MYT1L: variants seen among roughly 807,000 people sequenced by gnomAD.
The protein encoded by MYT1L is myelin transcription factor 1 like, also known as myelin transcription factor 1-like protein.
Under a neutral mutation model 126.7 loss-of-function variants are expected in MYT1L, and 12 were observed. That is an observed-to-expected ratio of 0.09 (90% confidence interval 0.06 to 0.15). MYT1L has a LOEUF of 0.15. Among genes scored for constraint, MYT1L ranks in the 10% least tolerant of loss-of-function variants. MYT1L has a pLI of 1.00. For missense variants in MYT1L, 979 were observed against 1,585.2 expected, an observed-to-expected ratio of 0.62 and a Z score of 6.49; for synonymous variants, 541 against 604.2, an observed-to-expected ratio of 0.90 and a Z score of 1.53.
intron 3 of MYT1L, among the ~76,000 whole-genome samples, chr2:2,130,081 T>C (rs551327519): frequency 6.6e-6 from 1 of 152,076 alleles, no homozygotes; most frequent in East Asian, 1.9e-4. Context: ...GAGAAAACAT[T>C]TGCATTATAG....
chr2:1,915,629 C>G (rs1217377932), intron 11 of MYT1L, among the ~76,000 whole-genome samples: 1 of 152,202 alleles, frequency 6.6e-6, no homozygotes, highest in Non-Finnish European at 1.5e-5. Context: ...AGATGAAGTA[C>G]AGAGAGCTGC....
intron 4 of MYT1L, among the ~76,000 whole-genome samples, chr2:2,019,565 G>C (rs2064816529): frequency 6.6e-6 from 1 of 152,214 alleles, no homozygotes; most frequent in African/African-American, 2.4e-5. Flanking sequence ...TATATTCTCA[G>C]TGTGGGGGGT....
At chr2:2,099,984 C>G (rs1373525143) in intron 3 of MYT1L, among the ~76,000 whole-genome samples, 1 of 152,146 alleles carries the variant, frequency 6.6e-6, no homozygotes, top group East Asian at 1.9e-4. Context: ...CGCCATAGGC[C>G]TTGTCCATCC....
At chr2:2,204,306 C>T (rs2093214071) in intron 2 of MYT1L, among the ~76,000 whole-genome samples, 2 of 151,686 alleles carry the variant, frequency 1.3e-5, no homozygotes, top group African/African-American at 4.9e-5. Flanking sequence ...AAAGAAACTA[C>T]CATCAGAGTG....
chr2:2,296,450 A>T (rs1184206169), intron 1 of MYT1L, among the ~76,000 whole-genome samples: 1 of 152,234 alleles, frequency 6.6e-6, no homozygotes, highest in East Asian at 1.9e-4. Context: ...GAAATTAAAA[A>T]ATATAAACAA....
At chr2:2,306,708 T>C (rs1249518097) in intron 1 of MYT1L, among the ~76,000 whole-genome samples, 1 of 152,170 alleles carries the variant, frequency 6.6e-6, no homozygotes, top group Non-Finnish European at 1.5e-5. Context: ...GGTGCTCTGG[T>C]CACAGCAACA....
At chr2:2,210,361 G>C (rs2093462521) in intron 2 of MYT1L, among the ~76,000 whole-genome samples, 1 of 152,134 alleles carries the variant, frequency 6.6e-6, no homozygotes, top group South Asian at 2.1e-4. Flanking sequence ...CTTTCTTGTA[G>C]CTATTTCATA....
intron 3 of MYT1L, among the ~76,000 whole-genome samples, chr2:2,068,242 G>A (rs1284008633): frequency 1.3e-5 from 2 of 152,130 alleles, no homozygotes; most frequent in African/African-American, 4.8e-5. Flanking sequence ...ACCCTGGCCA[G>A]CAGAGCCCTA....
intron 2 of MYT1L, among the ~76,000 whole-genome samples, chr2:2,266,867 C>G (rs2149318164): frequency 6.6e-6 from 1 of 152,350 alleles, no homozygotes; most frequent in South Asian, 2.1e-4. Context: ...CTTTGCTTCT[C>G]CCTTGCCTTC....
chr2:1,933,232 G>A (rs2055268926), intron 9 of MYT1L, among the ~76,000 whole-genome samples: 1 of 151,464 alleles, frequency 6.6e-6, no homozygotes, highest in Non-Finnish European at 1.5e-5. Flanking sequence ...GAACCCAGGT[G>A]AGAGCTCAGA....
At chr2:1,960,208 A>C (rs2058848118) in intron 8 of MYT1L, among the ~76,000 whole-genome samples, 1 of 152,198 alleles carries the variant, frequency 6.6e-6, no homozygotes, top group African/African-American at 2.4e-5. Context: ...CAGAAAAAGG[A>C]TATGGCCTCT....
At chr2:1,834,356 T>C (rs922437704) in intron 21 of MYT1L, among the ~76,000 whole-genome samples, 1 of 152,182 alleles carries the variant, frequency 6.6e-6, no homozygotes, top group Non-Finnish European at 1.5e-5. Flanking sequence ...TCCTAATGAG[T>C]GTATTTCTGT....
intron 2 of MYT1L, among the ~76,000 whole-genome samples, chr2:2,178,768 T>C (rs1324985078): frequency 6.6e-6 from 1 of 152,158 alleles, no homozygotes; most frequent in African/African-American, 2.4e-5. Flanking sequence ...TTTTTAGATT[T>C]GGTCATTGAA....
intron 4 of MYT1L, among the ~76,000 whole-genome samples, chr2:2,029,874 T>C (rs569970139): frequency 4.7e-4 from 71 of 152,376 alleles, no homozygotes; most frequent in Middle Eastern, 6.8e-3. Context: ...TAATAGCTAA[T>C]ATTTAGCCAT....
At chr2:2,281,040 G>A (rs1187339196) in intron 2 of MYT1L, among the ~76,000 whole-genome samples, 2 of 152,204 alleles carry the variant, frequency 1.3e-5, no homozygotes, top group Non-Finnish European at 2.9e-5. Context: ...ATCTCATCTT[G>A]AATTGTAGTT....
At chr2:2,294,695 A>G (rs1343610782) in intron 1 of MYT1L, among the ~76,000 whole-genome samples, 1 of 152,180 alleles carries the variant, frequency 6.6e-6, no homozygotes, top group Non-Finnish European at 1.5e-5. Context: ...TCTAAGTCAC[A>G]TGTAACTAGG....
chr2:2,091,485 G>A (rs919445928), intron 3 of MYT1L, among the ~76,000 whole-genome samples: 1 of 152,218 alleles, frequency 6.6e-6, no homozygotes, highest in African/African-American at 2.4e-5. Flanking sequence ...AGAGCAAGAG[G>A]AGAGTAGGTT....
chr2:1,867,908 T>C (rs1384004602), intron 18 of MYT1L, among the ~76,000 whole-genome samples: 1 of 152,206 alleles, frequency 6.6e-6, no homozygotes, highest in Non-Finnish European at 1.5e-5. Context: ...GCAAATTTCA[T>C]GTTAGAAATA....
At chr2:1,935,810 C>A (rs185728109) in intron 9 of MYT1L, among the ~76,000 whole-genome samples, 1 of 152,290 alleles carries the variant, frequency 6.6e-6, no homozygotes. Flanking sequence ...TTAGAGTGGA[C>A]TTTATAAGCA....
Sources: gnomAD v4.1 joint callset for allele counts (sites outside exome capture counted in the v4.1 genomes callset) on GRCh38, gnomAD v4.1.1 for gene constraint, MANE v1.5 for transcripts, NCBI Gene and HGNC (gene_info 2026-07-23, HGNC 2026-07-21) for gene names.